The following FMN2 variants were observed in gnomAD, a reference collection of about 807,000 sequenced individuals.
FMN2 encodes formin-2.
A neutral mutation model predicts 142.3 loss-of-function variants in FMN2; 51 were observed. The ratio of observed to expected loss-of-function variants is 0.36; its 90% CI spans 0.29 to 0.45. The LOEUF (loss-of-function observed/expected upper bound fraction) is 0.45. Ranked by LOEUF, FMN2 falls within the 20% of genes least tolerant of loss-of-function variation. FMN2 has a pLI of 1.00. For synonymous variants in FMN2, 882 were observed against 869.8 expected, an observed-to-expected ratio of 1.01 and a Z score of -0.25; for missense variants, 1,936 against 2,122.8, an observed-to-expected ratio of 0.91 and a Z score of 1.73.
chr1:240,470,429 C>T (rs868116534), intron 16 of FMN2, among the ~76,000 whole-genome samples: 14 of 152,138 alleles, frequency 9.2e-5, no homozygotes, highest in African/African-American at 3.4e-4. Context: ...AAGTTGTCAT[C>T]ATTTTCTGGA....
chr1:240,156,550 G>T (rs78969586), intron 2 of FMN2, among the ~76,000 whole-genome samples: 3,211 of 152,194 alleles, frequency 0.021, 112 homozygotes, highest in African/African-American at 0.074. Flanking sequence ...GTGAGGGCAG[G>T]GTTTAGTCTC....
chr1:240,226,137 ATGTGGC>A (rs1460361711), intron 6 of FMN2, among the ~76,000 whole-genome samples: 3 of 152,220 alleles, frequency 2.0e-5, no homozygotes, highest in Non-Finnish European at 4.4e-5. Context: ...AATTGAATGT[ATGTGGC>A]TGAAAACTTC....
chr1:240,325,316 C>T (rs1572194947), intron 8 of FMN2, among the ~76,000 whole-genome samples: 1 of 132,408 alleles, frequency 7.6e-6, no homozygotes, highest in South Asian at 2.3e-4. Flanking sequence ...GCACTTCAGC[C>T]TGGGTGACAC....
At chr1:240,324,854 C>T (rs1178084255) in intron 8 of FMN2, among the ~76,000 whole-genome samples, 1 of 151,934 alleles carries the variant, frequency 6.6e-6, no homozygotes, top group Admixed American at 6.5e-5. Context: ...GGGGTATTTA[C>T]TTAAATAATG....
chr1:240,198,586 T>C (rs1315344413), intron 4 of FMN2, among the ~76,000 whole-genome samples: 1 of 152,228 alleles, frequency 6.6e-6, no homozygotes, highest in East Asian at 1.9e-4. Context: ...CATAATATGT[T>C]CTATTTTAAA....
At chr1:240,178,799 G>A (rs1047118038) in intron 3 of FMN2, among the ~76,000 whole-genome samples, 1 of 152,140 alleles carries the variant, frequency 6.6e-6, no homozygotes, top group African/African-American at 2.4e-5. Flanking sequence ...CATAAATATT[G>A]ATTTCTGAAG....
At chr1:240,223,218 C>A (rs1667183671) in intron 6 of FMN2, among the ~76,000 whole-genome samples, 1 of 152,094 alleles carries the variant, frequency 6.6e-6, no homozygotes, top group Non-Finnish European at 1.5e-5. Context: ...TTATTGAAGG[C>A]CTTTTCTGCA....
At chr1:240,438,668 T>G (rs1347526013) in intron 16 of FMN2, among the ~76,000 whole-genome samples, 1 of 152,194 alleles carries the variant, frequency 6.6e-6, no homozygotes, top group Non-Finnish European at 1.5e-5. Context: ...TGTCAAAATT[T>G]TTTAAAAGAC....
intron 3 of FMN2, among the ~76,000 whole-genome samples, chr1:240,178,896 A>G (rs1405086700): frequency 2.0e-5 from 3 of 151,540 alleles, no homozygotes; most frequent in Non-Finnish European, 4.4e-5. Context: ...CATAGATATT[A>G]GAGTTAAGAA....
intron 6 of FMN2, among the ~76,000 whole-genome samples, chr1:240,226,203 T>A (rs1667291817): frequency 6.6e-6 from 1 of 151,886 alleles, no homozygotes; most frequent in Admixed American, 6.6e-5. Flanking sequence ...TTCAATGAAT[T>A]CCTCATAGAT....
intron 15 of FMN2, among the ~76,000 whole-genome samples, chr1:240,435,675 A>G (rs1386652416): frequency 6.6e-6 from 1 of 152,200 alleles, no homozygotes; most frequent in East Asian, 1.9e-4. Flanking sequence ...CTGAGGCACA[A>G]TGATGTTAAA....
intron 6 of FMN2, among the ~76,000 whole-genome samples, chr1:240,241,825 C>CTTCTTTTTTTTTTTTTTTTTTTT (rs1667908718): frequency 9.4e-5 from 9 of 96,202 alleles, no homozygotes; most frequent in Non-Finnish European, 1.7e-4. Context: ...GTGTGCCTTG[C>CTTCTTTTTTTTTTTTTTTTTTTT]TTTTTTTTTT....
chr1:240,276,745 G>T (rs1669226385), intron 7 of FMN2, among the ~76,000 whole-genome samples: 1 of 152,014 alleles, frequency 6.6e-6, no homozygotes, highest in East Asian at 1.9e-4. Context: ...ATATCCTCAA[G>T]ATTATATACT....
At chr1:240,439,425 T>C (rs1335849665) in intron 16 of FMN2, among the ~76,000 whole-genome samples, 2 of 152,198 alleles carry the variant, frequency 1.3e-5, no homozygotes, top group Non-Finnish European at 2.9e-5. Context: ...AATTCAATTT[T>C]GATACCTCCT....
intron 7 of FMN2, among the ~76,000 whole-genome samples, chr1:240,262,847 G>A (rs1668677626): frequency 7.2e-6 from 1 of 138,430 alleles, no homozygotes; most frequent in African/African-American, 2.7e-5. Flanking sequence ...TACAATCTCC[G>A]CCTCCCAGGT....
intron 2 of FMN2, among the ~76,000 whole-genome samples, chr1:240,126,738 G>A (rs1662523913): frequency 6.6e-6 from 1 of 152,126 alleles, no homozygotes; most frequent in African/African-American, 2.4e-5. Context: ...TAGAAGCCAG[G>A]CAGTGTTTTA....
At chr1:240,366,433 G>A (rs1672671370) in intron 14 of FMN2, among the ~76,000 whole-genome samples, 1 of 151,962 alleles carries the variant, frequency 6.6e-6, no homozygotes, top group Non-Finnish European at 1.5e-5. Context: ...TCCACTGAAC[G>A]TGGTTTTTGA....
At chr1:240,204,795 A>T (rs776817276) in intron 4 of FMN2, among the ~76,000 whole-genome samples, 5 of 152,156 alleles carry the variant, frequency 3.3e-5, no homozygotes, top group African/African-American at 9.6e-5. Context: ...GGGGGGAAAA[A>T]GGTGCCCTAA....
rs767178058 is a variant in FMN2 at position 240,257,945 on chromosome 1, G to T, written c.4066G>T (p.Val1356Phe). 1.9e-6 allele frequency: 3 copies of T among 1,612,434 alleles called. No individual in the cohort carries two copies. The highest frequency in any genetic ancestry group is 2.5e-6 in the Non-Finnish European group (3 of 1,179,270). Residue 1356 changes from valine to phenylalanine, a missense_variant and splice_region_variant, in exon 7 of 18, where the codon GTT (valine) becomes TTT (phenylalanine). Coordinates refer to ENST00000319653, the MANE Select transcript of FMN2 (RefSeq NM_020066.5). ...CCCTTTTACTTTCTTTCTCGAGCAGGTTGTCAAGTTATTAAGCAACAAAAG... is the reference window on the plus strand; with the variant it reads ...CCCTTTTACTTTCTTTCTCGAGCAGTTTGTCAAGTTATTAAGCAACAAAAG... ...DTISKTKAKQ[V>F]VKLLSNKRSQ...
Sources: allele counts gnomAD v4.1 joint callset (sites outside exome capture counted in the v4.1 genomes callset), GRCh38; gene constraint gnomAD v4.1.1; transcripts MANE v1.5; gene names NCBI Gene and HGNC (gene_info 2026-07-23, HGNC 2026-07-21).